The following SEC31A variants were observed in gnomAD, a reference collection of about 807,000 sequenced individuals.
SEC31A encodes SEC31 homolog A, COPII component.
SEC31A carries 70 observed loss-of-function variants against 151.0 expected under a neutral mutation model. The observed-to-expected ratio is 0.46, with a 90% CI of 0.38 to 0.57. The LOEUF is 0.57. SEC31A is among the 20% of genes least tolerant of loss of function. SEC31A has a pLI of 0.00. For missense variants in SEC31A, 1,330 were observed against 1,471.2 expected, an observed-to-expected ratio of 0.90 and a Z score of 1.57; for synonymous variants, 475 against 505.9, an observed-to-expected ratio of 0.94 and a Z score of 0.82.
Position 82,851,664 on chromosome 4 carries a change from G to C in SEC31A, c.2155-60C>G, listed in dbSNP as rs1731481132. 1.3e-5 allele frequency: 18 copies of C among 1,410,876 alleles called. No homozygotes were observed. In the South Asian group the frequency reaches 2.3e-4, roughly 18 times the overall value. The allele number at this position is 1,410,876 out of a possible 1,614,324, so 87.4% of individuals were successfully genotyped here. ...CAAGACCATGTATGAGAGGAAGCAG[G>C]AAAAGATCAAGAGTTACTAAGATTT... On this transcript the variant is annotated intron_variant, in intron 18 of 26. Coordinates refer to ENST00000395310, the MANE Select transcript of SEC31A (RefSeq NM_001077207.4).
At position 82,874,635 on chromosome 4, in the gene SEC31A, G is replaced by C; in HGVS notation, c.615C>G (p.Ile205Met). ...CTCTGTTACTATGGTCACTGACTTTGATGATTGGCTCATTTTTTCTAAGAT... is the reference window on the plus strand; with the variant it reads ...CTCTGTTACTATGGTCACTGACTTTCATGATTGGCTCATTTTTTCTAAGAT... ...VWDLRKNEPIIKVSDHSNRMH... is the reference protein window; with the variant it reads ...VWDLRKNEPIMKVSDHSNRMH... Residue 205 changes from isoleucine to methionine, a missense_variant, in exon 6 of 27, where the codon ATC becomes ATG. Physicochemically the swap from Ile to Met is conservative, Grantham distance 10. Transcript: ENST00000395310. The C allele has an allele frequency of 6.2e-7, 1 of 1,610,180 alleles. No individual in the cohort carries two copies. The highest frequency in any genetic ancestry group is 8.5e-7 in the Non-Finnish European group (1 of 1,179,370).
At position 82,842,298 on chromosome 4, in the gene SEC31A, G is replaced by C. The variant is rs773041391; in HGVS notation, c.2810C>G (p.Ser937Cys). 1.9e-6 allele frequency: 3 copies of C among 1,613,732 alleles called. No individual in the cohort carries two copies. The highest frequency in any genetic ancestry group is 2.2e-5 in the East Asian group (1 of 44,844). Residue 937 changes from serine (S) to cysteine (C), a missense_variant, in exon 22 of 27, where the codon TCC becomes TGC. Physicochemically the swap from Ser to Cys is moderately radical, Grantham distance 112 (BLOSUM62 -1). Transcript: ENST00000395310. ...AGGAGGGAAAGAAGTAGCAGGGCTG[G>C]AGGTAGGTGAAGAGGCCTGGTGCTG... The part of the protein sequence containing the change: ...AAQHQASSPT[S>C]SPATSFPPPP...
At chr4:82,888,174 G>T (rs1741215250) in intron 1 of SEC31A, among the ~76,000 whole-genome samples, 1 of 144,056 alleles carries the variant, frequency 6.9e-6, no homozygotes, top group Admixed American at 7.1e-5. Flanking sequence ...CGGAAGTTCG[G>T]GACCAGCCTG....
intron 9 of SEC31A, 44 bp from the exon 10 acceptor site, chr4:82,867,004 G>A: frequency 6.3e-7 from 1 of 1,585,774 alleles, no homozygotes; most frequent in Non-Finnish European, 8.5e-7. Flanking sequence ...CATACACAAA[G>A]TTTCATTTTT....
chr4:82,864,408 T>C lies in SEC31A; in HGVS notation c.1388A>G (p.Asp463Gly), dbSNP rs772305944. Residue 463 changes from aspartate (D) to glycine (G), a missense_variant, in exon 11 of 27, where the codon GAT becomes GGT. Physicochemically the swap from Asp to Gly is moderately conservative, Grantham distance 94 (BLOSUM62 -1). Coordinates refer to ENST00000395310, the MANE Select transcript of SEC31A (RefSeq NM_001077207.4). The stretch of plus-strand genomic sequence containing the variant: ...TTTCTCAAATTCAGTCTGAGAAGCA[T>C]CAATTTTTTTTTGGCAATAATTGAT... Reference protein sequence around the residue: ...GFINYCQKKIDASQTEFEKNV... With the variant: ...GFINYCQKKIGASQTEFEKNV... 11 of 1,614,070 alleles carry C rather than the reference T, an allele frequency of 6.8e-6. No homozygotes were observed. Among genetic ancestry groups the C allele is most frequent in the Non-Finnish European group, 6.8e-6 (8 of 1,180,014 alleles).
At chr4:82,868,048 A>T (rs1735792992) in intron 8 of SEC31A, among the ~76,000 whole-genome samples, 1 of 152,266 alleles carries the variant, frequency 6.6e-6, no homozygotes, top group African/African-American at 2.4e-5. Context: ...TTTTAAAATC[A>T]ATCTTGAGAA....
chr4:82,845,707 A>G (rs1305439508), intron 20 of SEC31A, among the ~76,000 whole-genome samples: 1 of 152,110 alleles, frequency 6.6e-6, no homozygotes, highest in Non-Finnish European at 1.5e-5. Flanking sequence ...TATTCAAGCT[A>G]CTACTAATCT....
intron 1 of SEC31A, among the ~76,000 whole-genome samples, chr4:82,886,110 T>C (rs1446853069): frequency 6.6e-6 from 1 of 152,184 alleles, no homozygotes; most frequent in East Asian, 1.9e-4. Flanking sequence ...CAAGTTCAGG[T>C]ATTCAATTTT....
At chr4:82,846,706 ATTATTTTTTTGT>A in intron 20 of SEC31A, among the ~76,000 whole-genome samples, 1 of 113,766 alleles carries the variant, frequency 8.8e-6, no homozygotes. Flanking sequence ...AGCTTACTTC[ATTATTTTTTTGT>A]TTGTTTGTTT....
At chr4:82,855,111 G>T in intron 16 of SEC31A, 82 bp from the exon 17 acceptor site, 2 of 1,183,336 alleles carry the variant, frequency 1.7e-6, no homozygotes, top group Non-Finnish European at 2.3e-6. Context: ...ATTGTGTCAA[G>T]TATTTCATGC....
At chr4:82,848,180 TAGTA>T (rs1730652801) in intron 20 of SEC31A, among the ~76,000 whole-genome samples, 1 of 150,132 alleles carries the variant, frequency 6.7e-6, no homozygotes, top group Admixed American at 6.6e-5. Context: ...CAGTAAAAAA[TAGTA>T]AGAAGCCACA....
chr4:82,866,075 G>GA (rs929172614), intron 10 of SEC31A, among the ~76,000 whole-genome samples: 3 of 131,618 alleles, frequency 2.3e-5, no homozygotes, highest in African/African-American at 9.2e-5. Flanking sequence ...AAAAAGAAAA[G>GA]AAAAAAAGAA....
At chr4:82,826,231 T>C (rs1724515649) in intron 24 of SEC31A, among the ~76,000 whole-genome samples, 1 of 152,226 alleles carries the variant, frequency 6.6e-6, no homozygotes, top group South Asian at 2.1e-4. Context: ...TTTTTATTTT[T>C]TTTTAAATAC....
In SEC31A at chr4:82,862,361, A is replaced by G. The variant is rs1005154627; in HGVS notation, c.1548+173T>C. 2.0e-5 allele frequency among the ~76,000 whole-genome samples: 3 copies of G among 152,166 alleles called. No homozygotes were observed. The South Asian group carries it at 6.2e-4, about 31-fold the overall frequency. ...TGTCAAGAGAAAGGAATGCTCTACC[A>G]GCTAAGCTCATGTTATTTTAAAATG... On this transcript the variant is annotated intron_variant, in intron 13 of 26. Transcript: ENST00000395310.
Position 82,827,401 on chromosome 4 carries a change from C to A in SEC31A, c.3259G>T (p.Ala1087Ser). ...PSFSKPNIEG[A>S]PGAPIGNTFQ... The stretch of plus-strand genomic sequence containing the variant: ...GTATTTCCAATAGGAGCCCCTGGGG[C>A]ACCTTCAATATTGGGCTTTGAAAAA... The change falls in exon 24 of 27, where the codon GCC becomes TCC. Residue 1087 changes from alanine (A) to serine (S), a missense_variant. Ala to Ser is a moderately conservative substitution (Grantham distance 99). Coordinates refer to ENST00000395310, the MANE Select transcript of SEC31A (RefSeq NM_001077207.4). The A allele has an allele frequency of 1.2e-6, 2 of 1,614,168 alleles. No individual in the cohort carries two copies. The highest frequency in any genetic ancestry group is 1.7e-6 in the Non-Finnish European group (2 of 1,180,000).
chr4:82,867,228 A>T lies in SEC31A; in HGVS notation c.971T>A (p.Phe324Tyr). The T allele has an allele frequency of 1.9e-6, 3 of 1,614,126 alleles. No homozygotes were observed. Among genetic ancestry groups the T allele is most frequent in the Non-Finnish European group, 2.5e-6 (3 of 1,179,948 alleles). The change falls in exon 9 of 27, where the codon TTT (phenylalanine) becomes TAT (tyrosine). Residue 324 changes from phenylalanine to tyrosine, a missense_variant. By Grantham distance (22) the Phe-to-Tyr change is conservative. Transcript: ENST00000395310. ...AGAATAAACACTGATACGCCCATCA[A>T]ACGAAGCAGCTGATAAGACAGCAGG... ...RNPAVLSAASFDGRISVYSIM... is the reference protein window; with the variant it reads ...RNPAVLSAASYDGRISVYSIM...
chr4:82,837,180 T>TAC (rs1727541603), intron 22 of SEC31A, among the ~76,000 whole-genome samples: 2 of 51,410 alleles, frequency 3.9e-5, no homozygotes, highest in Non-Finnish European at 6.0e-5. Flanking sequence ...TATATATATA[T>TAC]ATATATATAT....
chr4:82,900,509 A>T, exon 1 of SEC31A: 2 of 456,044 alleles, frequency 4.4e-6, no homozygotes, highest in Middle Eastern at 6.0e-4. Flanking sequence ...AAGGAAAATA[A>T]ACCGGTTGCA....
At chr4:82,828,525 T>C (rs952060023) in intron 23 of SEC31A, among the ~76,000 whole-genome samples, 1 of 152,162 alleles carries the variant, frequency 6.6e-6, no homozygotes, top group African/African-American at 2.4e-5. Flanking sequence ...GCATCTTAAT[T>C]TGTGCTCTAA....
Sources: gnomAD v4.1 joint callset for allele counts (sites outside exome capture counted in the v4.1 genomes callset) on GRCh38, gnomAD v4.1.1 for gene constraint, MANE v1.5 for transcripts, NCBI Gene and HGNC (gene_info 2026-07-23, HGNC 2026-07-21) for gene names.